CEP63: variants seen among roughly 807,000 people sequenced by gnomAD.
CEP63 encodes the protein centrosomal protein 63.
In CEP63, 84 loss-of-function variants were observed where a neutral mutation model predicts 89.1. The observed-to-expected ratio is 0.94, with a 90% CI of 0.79 to 1.13. The LOEUF is 1.13. Ranked by LOEUF, CEP63 falls within the 50% of genes most tolerant of loss-of-function variation. The pLI is 0.00. For synonymous variants in CEP63, 267 were observed against 272.5 expected, an observed-to-expected ratio of 0.98 and a Z score of 0.20; for missense variants, 838 against 813.3, an observed-to-expected ratio of 1.03 and a Z score of -0.37.
rs150471220 is a variant in CEP63 at position 134,545,838 on chromosome 3, A to G, written c.789+19A>G. The G allele has an allele frequency of 5.3e-5, 82 of 1,551,378 alleles. No homozygotes were observed. The highest frequency in any genetic ancestry group is 6.8e-5 in the South Asian group (6 of 88,352). On this transcript the variant is annotated intron_variant, in intron 7 of 14. Coordinates refer to ENST00000675561, the MANE Select transcript of CEP63 (RefSeq NM_001353108.3). Reference sequence around the variant, plus strand: ...ATTAGAGGTATGTTTTAAAATCACTATAATTGGGGGAAGTGTGTGTATGAG... The same window carrying G: ...ATTAGAGGTATGTTTTAAAATCACTGTAATTGGGGGAAGTGTGTGTATGAG...
chr3:134,726,481 C>CACACAA, the CEP63 span, among the ~76,000 whole-genome samples: 6 of 143,046 alleles, frequency 4.2e-5, no homozygotes, highest in African/African-American at 1.6e-4. Flanking sequence ...CACACACACA[C>CACACAA]ACACACACAC....
intron 3 of CEP63, among the ~76,000 whole-genome samples, chr3:134,509,446 A>G (rs1243989318): frequency 6.6e-6 from 1 of 152,198 alleles, no homozygotes; most frequent in Admixed American, 6.5e-5. Context: ...TTGAGCAGGG[A>G]CACAGACCCA....
intron 3 of CEP63, among the ~76,000 whole-genome samples, chr3:134,516,598 C>T (rs950978156): frequency 1.2e-4 from 18 of 152,172 alleles, no homozygotes; most frequent in South Asian, 2.1e-4. Context: ...GAGGTCCCTG[C>T]GGCATTTGTG....
At chr3:134,661,385 A>G in the CEP63 span, among the ~76,000 whole-genome samples, 1 of 150,978 alleles carries the variant, frequency 6.6e-6, no homozygotes, top group Non-Finnish European at 1.5e-5. Context: ...TCATTCAGTT[A>G]CCCCCCTCCC....
intron 9 of CEP63, among the ~76,000 whole-genome samples, chr3:134,548,192 T>C (rs1953991814): frequency 6.6e-6 from 1 of 152,232 alleles, no homozygotes; most frequent in Non-Finnish European, 1.5e-5. Flanking sequence ...ATTTCCACAT[T>C]TCTGTACTTC....
intron 11 of CEP63, among the ~76,000 whole-genome samples, chr3:134,571,620 G>T (rs1958013534): frequency 6.6e-6 from 1 of 152,190 alleles, no homozygotes; most frequent in African/African-American, 2.4e-5. Flanking sequence ...GGCGGAGCTT[G>T]CAGTGAGCTG....
the CEP63 span, among the ~76,000 whole-genome samples, chr3:134,693,337 C>T: frequency 6.6e-5 from 10 of 152,216 alleles, no homozygotes; most frequent in Middle Eastern, 6.8e-3. Flanking sequence ...AAGAGCCATA[C>T]CTGGAGATAG....
chr3:134,558,396 T>C (rs987489160), intron 13 of CEP63, 49 bp downstream of exon 13: 2 of 1,200,594 alleles, frequency 1.7e-6, no homozygotes, highest in African/African-American at 3.1e-5. Context: ...TACAATATAA[T>C]TCTCATTTCT....
intron 3 of CEP63, chr3:134,511,041 T>C (rs1944803444): frequency 6.1e-6 from 1 of 163,398 alleles, no homozygotes; most frequent in Admixed American, 6.5e-5. Flanking sequence ...CCTTTTATTT[T>C]GGGTAGGTGA....
At chr3:134,746,254 CT>C in the CEP63 span, among the ~76,000 whole-genome samples, 8,747 of 151,216 alleles carry the variant, frequency 0.058, 290 homozygotes, top group Middle Eastern at 0.08. Context: ...TGAACTCATC[CT>C]TTTTTTTATG....
downstream of CEP63, among the ~76,000 whole-genome samples, chr3:134,569,323 T>G (rs900181766): frequency 1.3e-5 from 2 of 152,202 alleles, no homozygotes. Context: ...ACAAGGCAAA[T>G]CTGAGCCGAT....
At chr3:134,777,907 G>T in the CEP63 span, among the ~76,000 whole-genome samples, 1 of 151,648 alleles carries the variant, frequency 6.6e-6, no homozygotes, top group African/African-American at 2.4e-5. Context: ...GAGCCACCGC[G>T]CCCGGCTTTA....
chr3:134,653,018 T>A, the CEP63 span, among the ~76,000 whole-genome samples: 1 of 152,184 alleles, frequency 6.6e-6, no homozygotes, highest in East Asian at 1.9e-4. Flanking sequence ...CAAACTCTGG[T>A]GCCCCCTCCC....
chr3:134,760,058 CT>C, the CEP63 span, among the ~76,000 whole-genome samples: 404 of 131,164 alleles, frequency 3.1e-3, no homozygotes, highest in Middle Eastern at 0.013. Context: ...AGAGCACTTT[CT>C]TTTTTTTTTT....
chr3:134,552,003 T>A lies in CEP63; in HGVS notation c.1458T>A (p.Gly486=). The change falls in exon 12 of 15, where the codon GGT becomes GGA. Residue 486 remains glycine, a synonymous_variant. Transcript: ENST00000675561. ...AAATGGTGATGAAATTGGAATTGGG[T>A]TTACATGAGGTACATAAATAGAAAC... ...LSEMVMKLEL[G]LHEAKEISLA... is the part of the protein sequence containing the mutation. 5.7e-6 allele frequency: 9 copies of A among 1,587,444 alleles called. No individual in the cohort carries two copies. Among genetic ancestry groups the A allele is most frequent in the Non-Finnish European group, 7.8e-6 (9 of 1,158,252 alleles).
chr3:134,672,347 G>T, the CEP63 span, among the ~76,000 whole-genome samples: 1 of 152,138 alleles, frequency 6.6e-6, no homozygotes, highest in South Asian at 2.1e-4. Flanking sequence ...AATGTTAACT[G>T]GTTATTGTGA....
chr3:134,662,648 G>A, the CEP63 span, among the ~76,000 whole-genome samples: 1 of 152,170 alleles, frequency 6.6e-6, no homozygotes, highest in African/African-American at 2.4e-5. Flanking sequence ...ACAAAGAACA[G>A]GGCTAGTTCA....
At chr3:134,637,749 A>G in the CEP63 span, among the ~76,000 whole-genome samples, 6 of 152,226 alleles carry the variant, frequency 3.9e-5, no homozygotes, top group Admixed American at 6.5e-5. Context: ...CTTGTTTGCC[A>G]TCCTGCGTTA....
chr3:134,624,721 T>C, the CEP63 span, among the ~76,000 whole-genome samples: 1 of 152,096 alleles, frequency 6.6e-6, no homozygotes, highest in East Asian at 1.9e-4. Context: ...GAGGCAGGCA[T>C]AGCTTAGGAG....
Sources: gnomAD v4.1 joint callset for allele counts (sites outside exome capture counted in the v4.1 genomes callset) on GRCh38, gnomAD v4.1.1 for gene constraint, MANE v1.5 for transcripts, NCBI Gene and HGNC (gene_info 2026-07-23, HGNC 2026-07-21) for gene names.